Variants in SLC4A7 observed in about 807,000 individuals in gnomAD.
The protein encoded by SLC4A7 is solute carrier family 4 member 7.
In SLC4A7, 51 loss-of-function variants were observed where a neutral mutation model predicts 137.6. The ratio of observed to expected loss-of-function variants is 0.37; its 90% CI spans 0.30 to 0.47. SLC4A7 has a LOEUF of 0.47. Ranked by LOEUF, SLC4A7 falls within the 20% of genes least tolerant of loss-of-function variation. The pLI, the probability that SLC4A7 is intolerant of heterozygous loss-of-function variation, is 1.00. For missense variants in SLC4A7, 1,247 were observed against 1,525.4 expected, an observed-to-expected ratio of 0.82 and a Z score of 3.04; for synonymous variants, 542 against 518.6, an observed-to-expected ratio of 1.05 and a Z score of -0.61.
At chr3:27,480,656 T>C (rs930764594) in intron 1 of SLC4A7, among the ~76,000 whole-genome samples, 6 of 152,148 alleles carry the variant, frequency 3.9e-5, no homozygotes, top group Non-Finnish European at 7.4e-5. Context: ...GCCACATCAA[T>C]ACCTAGTATC....
At chr3:27,398,957 T>C (rs989115438) in intron 16 of SLC4A7, among the ~76,000 whole-genome samples, 1 of 150,246 alleles carries the variant, frequency 6.7e-6, no homozygotes, top group Non-Finnish European at 1.5e-5. Flanking sequence ...CGTAATAATA[T>C]AGCATAATAA....
At chr3:27,435,339 T>C (rs1401276430) in intron 5 of SLC4A7, among the ~76,000 whole-genome samples, 2 of 152,150 alleles carry the variant, frequency 1.3e-5, no homozygotes, top group Admixed American at 6.6e-5. Context: ...AATCTCCCCC[T>C]TTCATTTTCA....
chr3:27,424,118 G>A lies in SLC4A7; in HGVS notation c.1185C>T (p.Asn395=). 2 of 1,610,742 alleles carry A rather than the reference G, an allele frequency of 1.2e-6. No homozygotes were observed. Among genetic ancestry groups the A allele is most frequent in the Middle Eastern group, 3.3e-4 (2 of 6,046 alleles). Residue 395 remains asparagine, a synonymous_variant, in exon 8 of 26, where the codon AAC becomes AAT. Coordinates refer to ENST00000454389, the MANE Select transcript of SLC4A7 (RefSeq NM_001321103.2). ...ILASPQSAPG[N]LDNSKSGEIK... ...TTTCTCCACTTTTACTATTGTCCAAGTTTCCAGGAGCAGACTGGGGAGAGG... is the reference window on the plus strand; with the variant it reads ...TTTCTCCACTTTTACTATTGTCCAAATTTCCAGGAGCAGACTGGGGAGAGG...
At chr3:27,430,667 A>G (rs2056181889) in intron 7 of SLC4A7, among the ~76,000 whole-genome samples, 1 of 151,832 alleles carries the variant, frequency 6.6e-6, no homozygotes, top group African/African-American at 2.4e-5. Flanking sequence ...TGTCTCCACA[A>G]AAAAATACAA....
chr3:27,407,473 C>T lies in SLC4A7; in HGVS notation c.1941+1883G>A, dbSNP rs558430382. On this transcript the variant is annotated intron_variant, in intron 13 of 25. Coordinates refer to ENST00000454389, the MANE Select transcript of SLC4A7 (RefSeq NM_001321103.2). ...CCAGCCTGGTGACGGAGCGAGACTC[C>T]GCCTCAAAAAAAAAAAAAAAAATCA... is the stretch of plus-strand genomic sequence containing the variant. Among the ~76,000 whole-genome samples the T allele has an allele frequency of 1.4e-4, 19 of 140,666 alleles. No homozygotes were observed. In the East Asian group the frequency reaches 3.6e-3, roughly 27 times the overall value. The allele number at this position is 140,666 out of a possible 152,430, so 92.3% of individuals were successfully genotyped here. A position where few individuals can be genotyped will look rare whatever the true frequency, so the allele number is the denominator to read the frequency against.
intron 1 of SLC4A7, among the ~76,000 whole-genome samples, chr3:27,478,530 A>C (rs1156796066): frequency 6.6e-6 from 1 of 150,506 alleles, no homozygotes; most frequent in African/African-American, 2.5e-5. Flanking sequence ...AAAAAAAAAA[A>C]CCCAACAACA....
chr3:27,458,296 T>C (rs924926664), intron 1 of SLC4A7, among the ~76,000 whole-genome samples: 1 of 152,196 alleles, frequency 6.6e-6, no homozygotes, highest in African/African-American at 2.4e-5. Context: ...TCTATAAAAA[T>C]ATTTATATCC....
At chr3:27,447,347 T>C (rs1290410254) in intron 3 of SLC4A7, among the ~76,000 whole-genome samples, 4 of 152,230 alleles carry the variant, frequency 2.6e-5, no homozygotes, top group African/African-American at 9.6e-5. Context: ...CTTGGTAGAA[T>C]GTTTAGACAC....
intron 1 of SLC4A7, among the ~76,000 whole-genome samples, chr3:27,483,324 A>AG (rs1307531564): frequency 6.6e-6 from 1 of 152,250 alleles, no homozygotes; most frequent in African/African-American, 2.4e-5. Flanking sequence ...CAGTCTCAGT[A>AG]GGAAACGCGA....
intron 1 of SLC4A7, among the ~76,000 whole-genome samples, chr3:27,480,764 C>T (rs2059674792): frequency 1.3e-5 from 2 of 152,066 alleles, no homozygotes; most frequent in Non-Finnish European, 1.5e-5. Flanking sequence ...ACTGGGTTGT[C>T]CGGGTCTGTC....
chr3:27,391,627 C>A (rs2051565934), intron 21 of SLC4A7, 113 bp downstream of exon 21: 2 of 660,160 alleles, frequency 3.0e-6, no homozygotes, highest in Non-Finnish European at 5.3e-6. Flanking sequence ...AGAAAACTAA[C>A]CTCCCCTCAA....
intron 10 of SLC4A7, among the ~76,000 whole-genome samples, chr3:27,420,097 G>A (rs944791397): frequency 6.6e-6 from 1 of 151,746 alleles, no homozygotes; most frequent in Non-Finnish European, 1.5e-5. Context: ...GCTGAGGCAG[G>A]AGAATTGCAG....
In SLC4A7 at chr3:27,396,229, C is replaced by A. The variant is rs563463069; in HGVS notation, c.2704-1114G>T. Among the ~76,000 whole-genome samples the A allele has an allele frequency of 5.3e-5, 8 of 152,280 alleles. 1 individual carries two copies. In the South Asian group the frequency reaches 1.7e-3, roughly 32 times the overall value. On this transcript the variant is annotated intron_variant, in intron 18 of 25. Transcript: ENST00000454389. ...CTAATATATATTAAACTACCTCACA[C>A]TCAATGTTGTGTATGAACAAAAATA...
intron 22 of SLC4A7, among the ~76,000 whole-genome samples, chr3:27,386,892 G>A (rs2051013340): frequency 6.6e-6 from 1 of 152,028 alleles, no homozygotes; most frequent in African/African-American, 2.4e-5. Flanking sequence ...TCTCAGATAA[G>A]GAGTACAACA....
At chr3:27,435,683 T>G (rs568322887) in intron 5 of SLC4A7, among the ~76,000 whole-genome samples, 1 of 152,190 alleles carries the variant, frequency 6.6e-6, no homozygotes, top group Admixed American at 6.5e-5. Flanking sequence ...CTACAAAAAA[T>G]TCAAAAATTA....
Position 27,373,758 on chromosome 3 carries a change from C to G in SLC4A7, c.*3006G>C, listed in dbSNP as rs76095590. 1 of 152,460 alleles carries G rather than the reference C, an allele frequency of 6.6e-6. No homozygotes were observed. Among genetic ancestry groups the G allele is most frequent in the Non-Finnish European group, 1.5e-5 (1 of 67,958 alleles). The allele number at this position is 152,460 out of a possible 1,614,324, so 9.4% of individuals were successfully genotyped here. A position where few individuals can be genotyped will look rare whatever the true frequency, so the allele number is the denominator to read the frequency against. ...TATACCCACACAGAAAATTTAAGTA[C>G]GTGGAAGAAATAAACTTTTTTGGAT... On this transcript the variant is annotated 3_prime_UTR_variant, in exon 26 of 26. Coordinates refer to ENST00000454389, the MANE Select transcript of SLC4A7 (RefSeq NM_001321103.2).
At chr3:27,399,767 G>A (rs1258648231) in intron 16 of SLC4A7, among the ~76,000 whole-genome samples, 1 of 152,106 alleles carries the variant, frequency 6.6e-6, no homozygotes, top group Non-Finnish European at 1.5e-5. Flanking sequence ...AGATATATTA[G>A]ATGATGCAGA....
chr3:27,454,202 A>T (rs2058266545), intron 1 of SLC4A7, among the ~76,000 whole-genome samples: 1 of 152,206 alleles, frequency 6.6e-6, no homozygotes, highest in Admixed American at 6.5e-5. Context: ...ACGGTGGCTC[A>T]CATCTGTAAT....
chr3:27,430,177 G>A (rs2056120694), intron 7 of SLC4A7, among the ~76,000 whole-genome samples: 1 of 151,944 alleles, frequency 6.6e-6, no homozygotes, highest in Admixed American at 6.6e-5. Flanking sequence ...GCACTGCAGT[G>A]AGCTATGATT....
Sources: allele counts gnomAD v4.1 joint callset (sites outside exome capture counted in the v4.1 genomes callset), GRCh38; gene constraint gnomAD v4.1.1; transcripts MANE v1.5; gene names NCBI Gene and HGNC (gene_info 2026-07-23, HGNC 2026-07-21).